SLC44A3: variants seen among roughly 807,000 people sequenced by gnomAD.
SLC44A3 encodes the protein solute carrier family 44 member 3, also known as choline transporter-like protein 3.
In SLC44A3, 74 loss-of-function variants were observed where a neutral mutation model predicts 75.4. The ratio of observed to expected loss-of-function variants is 0.98; its 90% CI spans 0.81 to 1.19. The LOEUF (loss-of-function observed/expected upper bound fraction) is 1.19, where lower values mean the gene tolerates loss of function less well. Among genes scored for constraint, SLC44A3 ranks in the 50% most tolerant of loss-of-function variants. The probability of loss-of-function intolerance (pLI) is 0.00; values close to 1 mark genes in which losing one functional copy is unlikely to be tolerated. For missense variants in SLC44A3, 700 were observed against 778.6 expected, an observed-to-expected ratio of 0.90 and a Z score of 1.20; for synonymous variants, 310 against 296.9, an observed-to-expected ratio of 1.04 and a Z score of -0.45.
At chr1:94,826,965 C>G (rs193170741) in intron 3 of SLC44A3, among the ~76,000 whole-genome samples, 4 of 152,298 alleles carry the variant, frequency 2.6e-5, no homozygotes, top group East Asian at 1.9e-4. Context: ...TCTTGTCCCC[C>G]CTCTGCCCTG....
At chr1:94,850,699 T>C (rs1356756582) in intron 9 of SLC44A3, among the ~76,000 whole-genome samples, 2 of 152,148 alleles carry the variant, frequency 1.3e-5, no homozygotes, top group Admixed American at 1.3e-4. Context: ...CTCACAAGGA[T>C]GTTAGGAGGC....
chr1:94,827,673 C>G (rs377470001), intron 4 of SLC44A3, 30 bp downstream of exon 4: 468 of 1,611,284 alleles, frequency 2.9e-4, no homozygotes, highest in Non-Finnish European at 3.8e-4. Flanking sequence ...TTGTTCTTTT[C>G]CCCATGATGG....
chr1:94,838,405 T>C (rs1051035195), intron 6 of SLC44A3, among the ~76,000 whole-genome samples: 2 of 152,244 alleles, frequency 1.3e-5, no homozygotes, highest in Non-Finnish European at 2.9e-5. Flanking sequence ...TCTCTGGGCA[T>C]TTCTGGAAGC....
chr1:94,820,979 G>A lies in SLC44A3; in HGVS notation c.58G>A (p.Glu20Lys), dbSNP rs571452756. ...VSAEGAPRQREWRPQIYRKCT... is the reference protein window; with the variant it reads ...VSAEGAPRQRKWRPQIYRKCT... Reference sequence around the variant, plus strand: ...TGCAGAAGGAGCCCCTAGGCAAAGGGAGTGGCGACCCCAGATTTATAGGAA... The same window carrying A: ...TGCAGAAGGAGCCCCTAGGCAAAGGAAGTGGCGACCCCAGATTTATAGGAA... Residue 20 changes from glutamate to lysine, a missense_variant, in exon 2 of 15, where the codon GAG becomes AAG. Coordinates refer to ENST00000271227, the MANE Select transcript of SLC44A3 (RefSeq NM_001114106.3). The A allele has an allele frequency of 2.1e-5, 32 of 1,551,562 alleles. No homozygotes were observed. Among genetic ancestry groups the A allele is most frequent in the Non-Finnish European group, 2.7e-5 (31 of 1,146,914 alleles).
intron 9 of SLC44A3, among the ~76,000 whole-genome samples, chr1:94,851,018 C>T (rs1665148777): frequency 6.6e-6 from 1 of 152,090 alleles, no homozygotes; most frequent in African/African-American, 2.4e-5. Flanking sequence ...TTCCTGGTCC[C>T]TTTGGGAAGG....
At chr1:94,845,241 A>G (rs1196558059) in intron 8 of SLC44A3, 37 bp from the exon 9 acceptor site, 6 of 1,554,842 alleles carry the variant, frequency 3.9e-6, no homozygotes, top group Non-Finnish European at 4.3e-6. Context: ...GTTCTCCATT[A>G]TTTGGAAGTA....
chr1:94,883,833 G>T (rs1318428013), intron 12 of SLC44A3, among the ~76,000 whole-genome samples: 1 of 152,300 alleles, frequency 6.6e-6, no homozygotes, highest in East Asian at 1.9e-4. Flanking sequence ...AGTCAAATGA[G>T]CATTTGTCCT....
At chr1:94,887,612 T>C (rs564316691) in intron 12 of SLC44A3, among the ~76,000 whole-genome samples, 1 of 152,314 alleles carries the variant, frequency 6.6e-6, no homozygotes, top group East Asian at 1.9e-4. Context: ...TTACTACTTA[T>C]GAGAGATGGT....
At chr1:94,861,690 G>A (rs1302647981) in intron 10 of SLC44A3, among the ~76,000 whole-genome samples, 1 of 152,178 alleles carries the variant, frequency 6.6e-6, no homozygotes, top group Non-Finnish European at 1.5e-5. Context: ...TGCACTCAGG[G>A]TGAGGATTAA....
At chr1:94,888,629 T>C in intron 12 of SLC44A3, 1 of 982,926 alleles carries the variant, frequency 1.0e-6, no homozygotes, top group Non-Finnish European at 1.2e-6. Flanking sequence ...CAAAATTTCC[T>C]TGTGGAACTT....
chr1:94,847,755 G>A (rs1664604442), intron 9 of SLC44A3, among the ~76,000 whole-genome samples: 1 of 152,130 alleles, frequency 6.6e-6, no homozygotes. Flanking sequence ...GTGTGATGTG[G>A]GTATTGTTAT....
At chr1:94,875,889 G>A (rs1413032856) in intron 12 of SLC44A3, among the ~76,000 whole-genome samples, 2 of 152,198 alleles carry the variant, frequency 1.3e-5, no homozygotes, top group African/African-American at 4.8e-5. Flanking sequence ...TAGGTACACT[G>A]GAAATATGCT....
At chr1:94,878,034 A>G (rs1302446182) in intron 12 of SLC44A3, among the ~76,000 whole-genome samples, 1 of 152,102 alleles carries the variant, frequency 6.6e-6, no homozygotes, top group African/African-American at 2.4e-5. Context: ...GGAGATCGAG[A>G]CCATCCTGGC....
chr1:94,882,029 C>A (rs1302246200), intron 12 of SLC44A3, among the ~76,000 whole-genome samples: 2 of 150,086 alleles, frequency 1.3e-5, no homozygotes, highest in East Asian at 3.9e-4. Context: ...AAAAAAAAAA[C>A]AAAAAAACAA....
chr1:94,883,718 T>C (rs1669248653), intron 12 of SLC44A3, among the ~76,000 whole-genome samples: 1 of 152,234 alleles, frequency 6.6e-6, no homozygotes, highest in Admixed American at 6.5e-5. Flanking sequence ...CTTCCTAATG[T>C]TTCAGAAGAC....
At chr1:94,838,328 T>C (rs1431196405) in intron 6 of SLC44A3, among the ~76,000 whole-genome samples, 1 of 152,224 alleles carries the variant, frequency 6.6e-6, no homozygotes, top group Non-Finnish European at 1.5e-5. Flanking sequence ...TGCAAGGGCC[T>C]GCTGTATCCT....
At chr1:94,827,911 G>T (rs12569348) in intron 4 of SLC44A3, among the ~76,000 whole-genome samples, 41,656 of 151,872 alleles carry the variant, frequency 0.27, 6,388 homozygotes, top group Middle Eastern at 0.38. Flanking sequence ...CAGAGAGAGA[G>T]AGGAGACAGC....
intron 3 of SLC44A3, among the ~76,000 whole-genome samples, chr1:94,825,313 A>G (rs928085222): frequency 1.3e-5 from 2 of 152,210 alleles, no homozygotes; most frequent in Admixed American, 6.5e-5. Flanking sequence ...TGACAGAACA[A>G]AAAAATGATG....
chr1:94,866,828 G>A (rs1020034045), intron 11 of SLC44A3, among the ~76,000 whole-genome samples: 9 of 152,034 alleles, frequency 5.9e-5, no homozygotes, highest in African/African-American at 1.9e-4. Context: ...TTTATCCCTC[G>A]AAATTTAGTC....
Sources: gnomAD v4.1 joint callset for allele counts (sites outside exome capture counted in the v4.1 genomes callset) on GRCh38, gnomAD v4.1.1 for gene constraint, MANE v1.5 for transcripts, NCBI Gene and HGNC (gene_info 2026-07-23, HGNC 2026-07-21) for gene names.